WWOX: variants seen among roughly 807,000 people sequenced by gnomAD.
WWOX encodes the protein WW domain-containing oxidoreductase.
In WWOX, 69 loss-of-function variants were observed where a neutral mutation model predicts 46.2. The ratio of observed to expected loss-of-function variants is 1.49; its 90% CI spans 1.23 to 1.82. The LOEUF (loss-of-function observed/expected upper bound fraction) is 1.82. Among genes scored for constraint, WWOX ranks in the 40% most tolerant of loss-of-function variants. WWOX has a pLI of 0.00. For synonymous variants in WWOX, 359 were observed against 202.6 expected, an observed-to-expected ratio of 1.77 and a Z score of -6.56; for missense variants, 919 against 542.6, an observed-to-expected ratio of 1.69 and a Z score of -6.89.
intron 8 of WWOX, among the ~76,000 whole-genome samples, chr16:78,637,650 G>A (rs923955380): frequency 1.3e-5 from 2 of 152,212 alleles, no homozygotes; most frequent in Non-Finnish European, 2.9e-5. Context: ...GGCTGGAGAC[G>A]TTGTTTTCCT....
At chr16:78,609,658 C>G (rs1488747188) in intron 8 of WWOX, among the ~76,000 whole-genome samples, 1 of 152,010 alleles carries the variant, frequency 6.6e-6, no homozygotes, top group Admixed American at 6.6e-5. Flanking sequence ...AAAATGCAGC[C>G]TGTCTTTGGA....
intron 8 of WWOX, among the ~76,000 whole-genome samples, chr16:78,694,712 T>A (rs1302713796): frequency 1.3e-5 from 2 of 152,252 alleles, no homozygotes; most frequent in Admixed American, 6.5e-5. Context: ...AGAATTCATA[T>A]GTGAACAGAT....
chr16:79,094,087 AT>A (rs1339968377), intron 8 of WWOX, among the ~76,000 whole-genome samples: 3 of 152,140 alleles, frequency 2.0e-5, no homozygotes, highest in Admixed American at 6.5e-5. Context: ...CCTAGCACTC[AT>A]CCCACCTCCT....
chr16:79,004,786 C>T (rs1410676439), intron 8 of WWOX: 2 of 152,186 alleles, frequency 1.3e-5, no homozygotes, highest in East Asian at 1.9e-4. Flanking sequence ...ATTAGAGACT[C>T]CATATACCTC....
At chr16:78,336,928 G>A (rs927325966) in intron 5 of WWOX, among the ~76,000 whole-genome samples, 4 of 151,936 alleles carry the variant, frequency 2.6e-5, no homozygotes, top group African/African-American at 4.8e-5. Flanking sequence ...ACAGGCGCCC[G>A]CCACCATGCC....
At chr16:79,054,170 G>T (rs576112361) in intron 8 of WWOX, among the ~76,000 whole-genome samples, 51 of 152,290 alleles carry the variant, frequency 3.3e-4, no homozygotes, top group African/African-American at 1.2e-3. Context: ...ATTATGAGCT[G>T]CATGTACCAA....
At chr16:78,125,605 T>C (rs2033328297) in intron 4 of WWOX, among the ~76,000 whole-genome samples, 2 of 152,102 alleles carry the variant, frequency 1.3e-5, no homozygotes, top group Admixed American at 1.3e-4. Flanking sequence ...TTCACGCCTG[T>C]AAACCCAGCC....
At chr16:78,476,480 T>C (rs1228331488) in intron 8 of WWOX, among the ~76,000 whole-genome samples, 1 of 151,992 alleles carries the variant, frequency 6.6e-6, no homozygotes, top group Non-Finnish European at 1.5e-5. Flanking sequence ...GGGAGAGGGA[T>C]AGCATTAGGA....
At chr16:78,305,391 C>T (rs1187248243) in intron 5 of WWOX, among the ~76,000 whole-genome samples, 1 of 152,172 alleles carries the variant, frequency 6.6e-6, no homozygotes, top group Non-Finnish European at 1.5e-5. Context: ...CATGTAACCT[C>T]TGGATGAGTC....
At position 78,644,359 on chromosome 16, in the gene WWOX, G is replaced by A. The variant is rs149643124; in HGVS notation, c.1056+211607G>A. Among the ~76,000 whole-genome samples, 76 of 152,200 alleles carry A rather than the reference G, an allele frequency of 5.0e-4. 1 individual carries two copies. The East Asian group carries it at 0.013, about 27-fold the overall frequency. On this transcript the variant is annotated intron_variant, in intron 8 of 8. Coordinates refer to ENST00000566780, the MANE Select transcript of WWOX (RefSeq NM_016373.4). ...CCCATATGTCACCTCCCTCCTCTATGCAAACAAAAATTTTAATTATTTCTA... is the reference window on the plus strand; with the variant it reads ...CCCATATGTCACCTCCCTCCTCTATACAAACAAAAATTTTAATTATTTCTA...
chr16:78,520,168 T>A (rs2043318115), intron 8 of WWOX, among the ~76,000 whole-genome samples: 1 of 152,212 alleles, frequency 6.6e-6, no homozygotes, highest in Non-Finnish European at 1.5e-5. Context: ...CTTTTATTCC[T>A]ATGGGATGAG....
At chr16:78,488,851 C>G (rs1008961639) in intron 8 of WWOX, among the ~76,000 whole-genome samples, 3 of 152,160 alleles carry the variant, frequency 2.0e-5, no homozygotes, top group Middle Eastern at 3.2e-3. Flanking sequence ...ATAACATGCC[C>G]AATGCCTGTT....
intron 8 of WWOX, among the ~76,000 whole-genome samples, chr16:79,099,455 G>T (rs771943899): frequency 5.7e-4 from 87 of 152,340 alleles, no homozygotes; most frequent in Middle Eastern, 6.8e-3. Context: ...TCTGTTAACA[G>T]AGGAGGTCAC....
At chr16:78,297,437 C>T (rs62035710) in intron 5 of WWOX, among the ~76,000 whole-genome samples, 2,625 of 152,206 alleles carry the variant, frequency 0.017, 45 homozygotes, top group African/African-American at 0.042. Flanking sequence ...CTTAAGTCTG[C>T]CATTTGTAGA....
Position 79,211,662 on chromosome 16 carries a change from C to G in WWOX, c.1111C>G (p.Leu371Val). 1 of 1,614,194 alleles carries G rather than the reference C, an allele frequency of 6.2e-7. No homozygotes were observed. Among genetic ancestry groups the G allele is most frequent in the South Asian group, 1.1e-5 (1 of 91,084 alleles). Residue 371 changes from leucine (L) to valine (V), a missense_variant, in exon 9 of 9, where the codon CTG becomes GTG. By Grantham distance (32) the Leu-to-Val change is conservative. Coordinates refer to ENST00000566780, the MANE Select transcript of WWOX (RefSeq NM_016373.4). Reference sequence around the variant, plus strand: ...TGCTGCTGTCCCAGAACTGGAGGGTCTGGGAGGGATGTACTTCAACAACTG... The same window carrying G: ...TGCTGCTGTCCCAGAACTGGAGGGTGTGGGAGGGATGTACTTCAACAACTG... The part of the protein sequence containing the change: ...YCAAVPELEG[L>V]GGMYFNNCCR...
At chr16:78,595,212 A>G (rs1228131051) in intron 8 of WWOX, among the ~76,000 whole-genome samples, 1 of 152,156 alleles carries the variant, frequency 6.6e-6, no homozygotes, top group Non-Finnish European at 1.5e-5. Context: ...TTGGAGTCAG[A>G]TGTCATATTC....
intron 8 of WWOX, among the ~76,000 whole-genome samples, chr16:79,146,908 C>G (rs2050192358): frequency 6.6e-6 from 1 of 152,184 alleles, no homozygotes; most frequent in African/African-American, 2.4e-5. Context: ...GTCTAGTTCA[C>G]TGATTTTTTA....
chr16:78,780,178 C>G (rs2050288908), intron 8 of WWOX, among the ~76,000 whole-genome samples: 1 of 152,144 alleles, frequency 6.6e-6, no homozygotes, highest in Admixed American at 6.5e-5. Context: ...CCTCTCCAGC[C>G]CTCACCTGGT....
intron 8 of WWOX, among the ~76,000 whole-genome samples, chr16:78,716,200 T>C (rs148908979): frequency 2.6e-4 from 39 of 152,000 alleles, no homozygotes; most frequent in African/African-American, 8.2e-4. Context: ...AAGAAAAACA[T>C]AGGGCCGTGT....
Sources: allele counts gnomAD v4.1 joint callset (sites outside exome capture counted in the v4.1 genomes callset), GRCh38; gene constraint gnomAD v4.1.1; transcripts MANE v1.5; gene names NCBI Gene and HGNC (gene_info 2026-07-23, HGNC 2026-07-21).